DMC1: variants seen among roughly 807,000 people sequenced by gnomAD.
DMC1 encodes meiotic recombination protein DMC1 homolog.
Under a neutral mutation model 50.1 loss-of-function variants are expected in DMC1, and 27 were observed. The observed-to-expected ratio is 0.54, with a 90% CI of 0.40 to 0.74. The LOEUF is 0.74. Ranked by LOEUF, DMC1 falls within the 30% of genes least tolerant of loss-of-function variation. The pLI is 0.00. For missense variants in DMC1, 295 were observed against 420.2 expected (o/e 0.70, Z 2.60); for synonymous variants, 148 against 136.1 (o/e 1.09, Z -0.61).
chr22:38,537,378 T>A (rs2090225920), intron 12 of DMC1, among the ~76,000 whole-genome samples: 1 of 152,006 alleles, frequency 6.6e-6, no homozygotes. Flanking sequence ...CACACCCGGC[T>A]AATCTCTGTA....
chr22:38,533,193 C>T (rs1457509599), intron 12 of DMC1, among the ~76,000 whole-genome samples: 3 of 151,568 alleles, frequency 2.0e-5, no homozygotes, highest in Non-Finnish European at 4.4e-5. Flanking sequence ...GAGATCGAGA[C>T]CATCCTGGCT....
intron 4 of DMC1, among the ~76,000 whole-genome samples, chr22:38,564,587 A>G (rs2090562491): frequency 6.6e-6 from 1 of 152,220 alleles, no homozygotes; most frequent in Non-Finnish European, 1.5e-5. Context: ...CTGGGATTAC[A>G]GGCGTAAGCC....
At chr22:38,531,029 C>T (rs547457193) in intron 12 of DMC1, among the ~76,000 whole-genome samples, 16 of 152,108 alleles carry the variant, frequency 1.1e-4, no homozygotes, top group Non-Finnish European at 2.2e-4. Context: ...AAGATCATGC[C>T]ATTGCACTCC....
chr22:38,550,946 AAAAGAAAGAAAG>A (rs1258351194), intron 7 of DMC1, among the ~76,000 whole-genome samples: 1 of 111,386 alleles, frequency 9.0e-6, no homozygotes, highest in Admixed American at 8.8e-5. Flanking sequence ...AAAAAAAAAA[AAAAGAAAGAAAG>A]AAAGAAAGAA....
chr22:38,528,228 A>C (rs1389760099), intron 12 of DMC1, among the ~76,000 whole-genome samples: 1 of 151,368 alleles, frequency 6.6e-6, no homozygotes, highest in Non-Finnish European at 1.5e-5. Flanking sequence ...CACTCAGCTA[A>C]TTCTTTTGTA....
intron 5 of DMC1, among the ~76,000 whole-genome samples, chr22:38,555,838 T>TA (rs200668029): frequency 4.9e-4 from 74 of 149,670 alleles, no homozygotes; most frequent in African/African-American, 1.8e-3. Context: ...TTATTATTAT[T>TA]TTTTTTTTTT....
chr22:38,541,978 C>A (rs2090286180), intron 8 of DMC1, among the ~76,000 whole-genome samples: 2 of 150,148 alleles, frequency 1.3e-5, no homozygotes, highest in African/African-American at 2.5e-5. Flanking sequence ...TCAATTGATG[C>A]TGAAAAAAGC....
chr22:38,565,775 A>T (rs919160746), intron 4 of DMC1, among the ~76,000 whole-genome samples: 1 of 152,248 alleles, frequency 6.6e-6, no homozygotes, highest in South Asian at 2.1e-4. Flanking sequence ...ATGCTTGGTC[A>T]TATCTATCTC....
intron 5 of DMC1, among the ~76,000 whole-genome samples, chr22:38,559,575 G>A (rs1469584245): frequency 6.6e-6 from 1 of 152,158 alleles, no homozygotes; most frequent in Non-Finnish European, 1.5e-5. Flanking sequence ...TTCACTATTT[G>A]TTTATTCATT....
In DMC1 at chr22:38,566,652, T is replaced by G; in HGVS notation, c.181A>C (p.Asn61His). 2 of 1,614,038 alleles carry G rather than the reference T, an allele frequency of 1.2e-6. No homozygotes were observed. The highest frequency in any genetic ancestry group is 2.2e-5 in the South Asian group (2 of 91,088). The change falls in exon 4 of 14, where the codon AAT becomes CAT. Residue 61 changes from asparagine (N) to histidine (H), a missense_variant. Asn to His is a moderately conservative substitution (Grantham distance 68, BLOSUM62 1). Transcript: ENST00000216024. Reference sequence around the variant, plus strand: ...TTGGCTTCTGAGAGTCCTTTGACATTGCATAGAGCTCTTCTTGTTGTCATC... The same window carrying G: ...TTGGCTTCTGAGAGTCCTTTGACATGGCATAGAGCTCTTCTTGTTGTCATC... ...IQMTTRRALC[N>H]VKGLSEAKVD...
At chr22:38,550,174 A>G (rs942921522) in intron 7 of DMC1, among the ~76,000 whole-genome samples, 177 bp from the exon 8 acceptor site, 2 of 152,238 alleles carry the variant, frequency 1.3e-5, no homozygotes, top group South Asian at 4.1e-4. Context: ...GTGTGAAATT[A>G]TAAGTATTCT....
intron 7 of DMC1, among the ~76,000 whole-genome samples, chr22:38,551,856 C>CGT (rs2090414661): frequency 1.1e-5 from 1 of 93,184 alleles, no homozygotes; most frequent in East Asian, 3.1e-4. Flanking sequence ...GAACTCCTTT[C>CGT]TTTTTTTTTT....
At chr22:38,552,052 C>A (rs5995592) in intron 7 of DMC1, among the ~76,000 whole-genome samples, 1 of 151,770 alleles carries the variant, frequency 6.6e-6, no homozygotes, top group Admixed American at 6.6e-5. Context: ...TAGTAGAGAC[C>A]GGGTTTCACC....
intron 5 of DMC1, among the ~76,000 whole-genome samples, chr22:38,555,665 A>G (rs1049631652): frequency 2.0e-5 from 3 of 152,104 alleles, no homozygotes; most frequent in Non-Finnish European, 4.4e-5. Context: ...TCTTACTTCA[A>G]TAGTAAATGG....
At chr22:38,509,990 T>C in the DMC1 span, among the ~76,000 whole-genome samples, 5 of 152,230 alleles carry the variant, frequency 3.3e-5, no homozygotes, top group South Asian at 1.0e-3. Context: ...GTAATAATAA[T>C]ATAAATAGGC....
intron 12 of DMC1, among the ~76,000 whole-genome samples, chr22:38,526,494 C>T (rs1017296055): frequency 6.6e-6 from 1 of 152,020 alleles, no homozygotes; most frequent in African/African-American, 2.4e-5. Flanking sequence ...AGGCGTGGGC[C>T]ACCACGCCTG....
intron 12 of DMC1, among the ~76,000 whole-genome samples, chr22:38,529,564 C>A (rs2090133107): frequency 6.6e-6 from 1 of 151,934 alleles, no homozygotes; most frequent in Admixed American, 6.6e-5. Context: ...AGAGTAAGAC[C>A]CAAAACAGCC....
intron 5 of DMC1, among the ~76,000 whole-genome samples, chr22:38,561,189 T>C (rs1156426337): frequency 6.6e-6 from 1 of 151,780 alleles, no homozygotes; most frequent in Non-Finnish European, 1.5e-5. Context: ...TTTTTTTTTT[T>C]TTTTGTAGAG....
rs1239104751 is a variant in DMC1, at chr22:38,520,035, C to G, written c.1008G>C (p.Gly336=). ...AATTCACCACCTACTCCTTGGCATC[C>G]CCAATTCCTCCAGCAGTTATTGCGA... ...ATFAITAGGI[G]DAKE is the part of the protein sequence containing the mutation. Residue 336 remains glycine (G), a synonymous_variant, in exon 14 of 14, where the codon GGG becomes GGC. Coordinates refer to ENST00000216024, the MANE Select transcript of DMC1 (RefSeq NM_007068.4). 6.2e-7 allele frequency: 1 copy of G among 1,613,614 alleles called. No homozygotes were observed. The highest frequency in any genetic ancestry group is 1.7e-5 in the Admixed American group (1 of 59,998).
Sources: allele counts gnomAD v4.1 joint callset (sites outside exome capture counted in the v4.1 genomes callset), GRCh38; gene constraint gnomAD v4.1.1; transcripts MANE v1.5; gene names NCBI Gene and HGNC (gene_info 2026-07-23, HGNC 2026-07-21).